Variants in CALN1 observed in about 807,000 individuals in gnomAD.
CALN1 encodes the protein calcium-binding protein 8.
A neutral mutation model predicts 30.6 loss-of-function variants in CALN1; 17 were observed. The observed-to-expected ratio is 0.56, with a 90% CI of 0.38 to 0.83. The LOEUF (loss-of-function observed/expected upper bound fraction) is 0.83, where lower values mean the gene tolerates loss of function less well. Ranked by LOEUF, CALN1 falls within the 40% of genes least tolerant of loss-of-function variation. CALN1 has a pLI of 0.00. For missense variants in CALN1, 291 were observed against 354.9 expected, an observed-to-expected ratio of 0.82 and a Z score of 1.45; for synonymous variants, 156 against 131.4, an observed-to-expected ratio of 1.19 and a Z score of -1.28.
chr7:71,927,867 G>A (rs1162676014), intron 5 of CALN1, among the ~76,000 whole-genome samples: 4 of 152,080 alleles, frequency 2.6e-5, no homozygotes, highest in African/African-American at 4.8e-5. Flanking sequence ...CCTTGTGAAC[G>A]GGAGAGTTTC....
At chr7:72,209,113 TTTTTACTCCTTCCTTCTC>T (rs1313339217) in intron 3 of CALN1, among the ~76,000 whole-genome samples, 4 of 134,158 alleles carry the variant, frequency 3.0e-5, no homozygotes, top group African/African-American at 8.8e-5. Context: ...ATTTCTCTCT[TTTTTACTCCTTCCTTCTC>T]TCCCTCTTTC....
rs116644031 is a variant in CALN1 at position 71,895,515 on chromosome 7, T to C, written c.502-85023A>G. 9.0e-3 allele frequency among the ~76,000 whole-genome samples: 1,378 copies of C among 152,316 alleles called. 28 individuals are homozygous for C. Among genetic ancestry groups the C allele is most frequent in the African/African-American group, 0.032 (1,326 of 41,572 alleles). On this transcript the variant is annotated intron_variant, in intron 5 of 6. Transcript: ENST00000395275. Reference sequence around the variant, plus strand: ...TGACTCATTTTGTTTCTGCTTTTGGTAGAAGCACCTCTCATGTATCACCTT... The same window carrying C: ...TGACTCATTTTGTTTCTGCTTTTGGCAGAAGCACCTCTCATGTATCACCTT...
At chr7:72,001,155 C>T (rs528313983) in intron 5 of CALN1, among the ~76,000 whole-genome samples, 1 of 152,162 alleles carries the variant, frequency 6.6e-6, no homozygotes, top group South Asian at 2.1e-4. Flanking sequence ...AAACCTGAAA[C>T]TGGTGATCAG....
chr7:72,158,907 G>T (rs890354358), intron 3 of CALN1, among the ~76,000 whole-genome samples: 1 of 152,008 alleles, frequency 6.6e-6, no homozygotes. Flanking sequence ...GCCCAGATCC[G>T]AGTACAGTGG....
At chr7:72,043,411 T>G (rs1462809713) in intron 4 of CALN1, among the ~76,000 whole-genome samples, 2 of 151,976 alleles carry the variant, frequency 1.3e-5, no homozygotes, top group East Asian at 3.9e-4. Flanking sequence ...ACAATAAAAA[T>G]AGAAAAAAAT....
At chr7:72,345,942 C>T (rs1197562987) in intron 2 of CALN1, among the ~76,000 whole-genome samples, 1 of 151,750 alleles carries the variant, frequency 6.6e-6, no homozygotes, top group East Asian at 1.9e-4. Context: ...GGAAAAAGAA[C>T]CGAATTAAGA....
rs1311281596 is a variant in CALN1, at chr7:72,088,780, G to GTAAGA, written c.388+17370_388+17371insTCTTA. Among the ~76,000 whole-genome samples, 6 of 71,044 alleles carry GTAAGA rather than the reference G, an allele frequency of 8.4e-5. No individual in the cohort carries two copies. In the East Asian group the frequency reaches 0.025, roughly 301 times the overall value. The allele number at this position is 71,044 out of a possible 152,430, so 46.6% of individuals were successfully genotyped here. A position where few individuals can be genotyped will look rare whatever the true frequency, so the allele number is the denominator to read the frequency against. On this transcript the variant is annotated intron_variant, in intron 4 of 6. Transcript: ENST00000395275. The stretch of plus-strand genomic sequence containing the variant: ...AAGAGAAGGAAGAGAAGTAAGAGAA[G>GTAAGA]GAAGGGAAGGAAGGAAGGAGGTTAC...
chr7:71,852,928 T>G (rs957346813), intron 5 of CALN1, among the ~76,000 whole-genome samples: 1 of 152,246 alleles, frequency 6.6e-6, no homozygotes, highest in African/African-American at 2.4e-5. Context: ...AGTATTGAGT[T>G]GTGAGACTTT....
chr7:71,981,475 C>A (rs1431734570), intron 5 of CALN1, among the ~76,000 whole-genome samples: 2 of 152,022 alleles, frequency 1.3e-5, no homozygotes, highest in Non-Finnish European at 2.9e-5. Flanking sequence ...GAGTTTGAGA[C>A]CAGCATGGTG....
intron 5 of CALN1, among the ~76,000 whole-genome samples, chr7:72,006,947 TAC>T (rs1799803564): frequency 6.6e-6 from 1 of 152,142 alleles, no homozygotes; most frequent in African/African-American, 2.4e-5. Context: ...GTACTTTGCA[TAC>T]AGATTAAATC....
chr7:72,091,394 C>T (rs1407195693), intron 4 of CALN1, among the ~76,000 whole-genome samples: 1 of 149,762 alleles, frequency 6.7e-6, no homozygotes, highest in Non-Finnish European at 1.5e-5. Context: ...TAAAAGAGTG[C>T]AACTGCTATG....
chr7:72,059,209 C>A (rs1803481176), intron 4 of CALN1, among the ~76,000 whole-genome samples: 1 of 152,148 alleles, frequency 6.6e-6, no homozygotes, highest in South Asian at 2.1e-4. Flanking sequence ...CAAAATCTGT[C>A]TCCATCTTTC....
chr7:72,164,095 C>T (rs1251606891), intron 3 of CALN1, among the ~76,000 whole-genome samples: 2 of 152,124 alleles, frequency 1.3e-5, no homozygotes, highest in African/African-American at 4.8e-5. Context: ...GGACCAGGTG[C>T]AGTGGCTCAC....
intron 4 of CALN1, among the ~76,000 whole-genome samples, chr7:72,042,003 T>C (rs1295433597): frequency 2.0e-5 from 3 of 152,184 alleles, no homozygotes; most frequent in Non-Finnish European, 2.9e-5. Context: ...TATGTCTTTA[T>C]TAGCAGCATG....
intron 5 of CALN1, among the ~76,000 whole-genome samples, chr7:71,862,825 C>T (rs957450192): frequency 1.3e-5 from 2 of 152,194 alleles, no homozygotes; most frequent in Non-Finnish European, 2.9e-5. Context: ...AGATAACAAT[C>T]TACTAGTGGG....
chr7:71,961,980 T>C (rs1196935802), intron 5 of CALN1, among the ~76,000 whole-genome samples: 1 of 152,084 alleles, frequency 6.6e-6, no homozygotes, highest in African/African-American at 2.4e-5. Flanking sequence ...GGAGCCTCAT[T>C]ATATCTTGTT....
chr7:72,446,794 G>A (rs1808540433), intron 1 of CALN1, among the ~76,000 whole-genome samples: 1 of 152,110 alleles, frequency 6.6e-6, no homozygotes, highest in Non-Finnish European at 1.5e-5. Context: ...TTGACAGCTG[G>A]GTGAAGCTGG....
intron 4 of CALN1, among the ~76,000 whole-genome samples, chr7:72,038,558 G>A (rs909635437): frequency 6.6e-6 from 1 of 151,854 alleles, no homozygotes; most frequent in Non-Finnish European, 1.5e-5. Context: ...ATAGGAGCTG[G>A]GTAAAATAAG....
chr7:72,298,335 C>T (rs569996511), intron 2 of CALN1, among the ~76,000 whole-genome samples: 6 of 152,332 alleles, frequency 3.9e-5, no homozygotes, highest in Middle Eastern at 3.4e-3. Flanking sequence ...CATCTTCCAT[C>T]TCATCTCAAA....
Sources: gnomAD v4.1 joint callset for allele counts (sites outside exome capture counted in the v4.1 genomes callset) on GRCh38, gnomAD v4.1.1 for gene constraint, MANE v1.5 for transcripts, NCBI Gene and HGNC (gene_info 2026-07-23, HGNC 2026-07-21) for gene names.